Variants in VAV2 observed in about 807,000 individuals in gnomAD.
VAV2 encodes vav guanine nucleotide exchange factor 2.
A neutral mutation model predicts 132.5 loss-of-function variants in VAV2; 67 were observed. The ratio of observed to expected loss-of-function variants is 0.51; its 90% CI spans 0.42 to 0.62. VAV2 has a LOEUF of 0.62. Ranked by LOEUF, VAV2 falls within the 20% of genes least tolerant of loss-of-function variation. The probability of loss-of-function intolerance (pLI) is 0.00; values close to 1 mark genes in which losing one functional copy is unlikely to be tolerated. For missense variants in VAV2, 938 were observed against 1,153.6 expected, an observed-to-expected ratio of 0.81 and a Z score of 2.71; for synonymous variants, 492 against 443.5, an observed-to-expected ratio of 1.11 and a Z score of -1.37.
At chr9:133,936,602 G>A (rs1840919181) in intron 2 of VAV2, among the ~76,000 whole-genome samples, 1 of 152,216 alleles carries the variant, frequency 6.6e-6, no homozygotes, top group South Asian at 2.1e-4. Flanking sequence ...ACTGCCATCT[G>A]TGTGTGGAAG....
intron 9 of VAV2, among the ~76,000 whole-genome samples, chr9:133,800,037 CGTGACT>C (rs948356311): frequency 8.5e-5 from 13 of 152,202 alleles, no homozygotes; most frequent in African/African-American, 2.9e-4. Context: ...GCTCTGGGAC[CGTGACT>C]GTCGCCGTTC....
At chr9:133,972,714 G>A (rs1201691331) in intron 1 of VAV2, among the ~76,000 whole-genome samples, 6 of 152,278 alleles carry the variant, frequency 3.9e-5, no homozygotes, top group East Asian at 1.9e-4. Context: ...TCACTCCAGC[G>A]AGGGGAACCT....
intron 1 of VAV2, among the ~76,000 whole-genome samples, chr9:133,982,540 A>G (rs1019260018): frequency 4.6e-5 from 7 of 150,708 alleles, no homozygotes; most frequent in Admixed American, 3.3e-4. Context: ...ACAAGAGGGG[A>G]CCTAGGACAG....
chr9:133,953,958 C>T (rs1290561289), intron 1 of VAV2, among the ~76,000 whole-genome samples: 2 of 152,192 alleles, frequency 1.3e-5, no homozygotes, highest in Admixed American at 6.5e-5. Context: ...CAGGCAGCGC[C>T]TCCCACCACC....
chr9:133,778,651 C>T, intron 22 of VAV2, 111 bp downstream of exon 22: 1 of 1,461,604 alleles, frequency 6.8e-7, no homozygotes, highest in Non-Finnish European at 9.1e-7. Context: ...CTGGTGGTCT[C>T]TCACCTCTCT....
Position 133,852,055 on chromosome 9 carries a change from G to T in VAV2, c.380+9319C>A, listed in dbSNP as rs117374863. On this transcript the variant is annotated intron_variant, in intron 3 of 29. Transcript: ENST00000371850. The stretch of plus-strand genomic sequence containing the variant: ...GTATGGATGGATGGATGTATGGATG[G>T]ATGGATAAATGAGTGACAGACGGGC... Among the ~76,000 whole-genome samples the T allele has an allele frequency of 2.6e-3, 393 of 152,214 alleles. 6 individuals are homozygous for T. The East Asian group carries it at 0.032, about 13-fold the overall frequency.
chr9:133,976,383 C>T (rs1266830652), intron 1 of VAV2, among the ~76,000 whole-genome samples: 1 of 152,108 alleles, frequency 6.6e-6, no homozygotes, highest in Non-Finnish European at 1.5e-5. Flanking sequence ...GGGCAGTCCC[C>T]CCAGCCCCGC....
chr9:133,851,876 AATGGATGGATGCATGGATGGATGG>A, intron 3 of VAV2, among the ~76,000 whole-genome samples: 1 of 134,132 alleles, frequency 7.5e-6, no homozygotes, highest in South Asian at 2.4e-4. Context: ...TGGGTGAATA[AATGGATGGATGCATGGATGGATGG>A]ATGGATGGGT....
At chr9:133,903,183 G>C (rs1043097110) in intron 2 of VAV2, among the ~76,000 whole-genome samples, 23 of 149,220 alleles carry the variant, frequency 1.5e-4, no homozygotes, top group South Asian at 4.2e-4. Flanking sequence ...CCAGGAGAGT[G>C]CCCCGGGACA....
intron 4 of VAV2, among the ~76,000 whole-genome samples, chr9:133,818,059 C>T (rs12342463): frequency 5.3e-5 from 8 of 151,988 alleles, no homozygotes; most frequent in Admixed American, 2.0e-4. Flanking sequence ...TGAGGGCCCA[C>T]GTAGAACAAA....
intron 1 of VAV2, among the ~76,000 whole-genome samples, chr9:133,963,854 A>G (rs955214048): frequency 6.6e-6 from 1 of 151,894 alleles, no homozygotes; most frequent in African/African-American, 2.4e-5. Context: ...AATAAAGTAC[A>G]TGGAAAACCA....
At chr9:133,786,885 G>A (rs1011840251) in intron 16 of VAV2, among the ~76,000 whole-genome samples, 3 of 152,214 alleles carry the variant, frequency 2.0e-5, no homozygotes, top group African/African-American at 7.2e-5. Context: ...GGGATGGGAG[G>A]AGGAAAGAAA....
chr9:133,818,964 C>T (rs907214005), intron 4 of VAV2, among the ~76,000 whole-genome samples: 6 of 152,038 alleles, frequency 3.9e-5, no homozygotes, highest in Admixed American at 1.3e-4. Flanking sequence ...AGGCTGGTCT[C>T]GAACTCCTGG....
At chr9:133,900,029 T>A (rs2905165) in intron 2 of VAV2, among the ~76,000 whole-genome samples, 108,862 of 131,460 alleles carry the variant, frequency 0.83, 45,007 homozygotes, top group East Asian at 0.95. Context: ...TCAAAAAAAA[T>A]AAATAAATAA....
intron 3 of VAV2, among the ~76,000 whole-genome samples, chr9:133,850,670 T>C (rs1837131674): frequency 6.6e-6 from 1 of 152,120 alleles, no homozygotes; most frequent in South Asian, 2.1e-4. Flanking sequence ...GCCTCTGAAA[T>C]GTGAGCCAGC....
At chr9:133,810,304 C>G in intron 5 of VAV2, 99 bp from the exon 6 acceptor site, 1 of 1,573,660 alleles carries the variant, frequency 6.4e-7, no homozygotes, top group South Asian at 1.1e-5. Context: ...CACCCCACAA[C>G]CAGCCAACAG....
intron 4 of VAV2, among the ~76,000 whole-genome samples, chr9:133,819,447 T>TAA (rs1835700556): frequency 7.6e-6 from 1 of 132,380 alleles, no homozygotes; most frequent in African/African-American, 3.2e-5. Flanking sequence ...AGGCTCCGTC[T>TAA]CAAAAAAAAA....
intron 25 of VAV2, among the ~76,000 whole-genome samples, chr9:133,772,410 C>T (rs1588154789): frequency 1.3e-5 from 2 of 152,192 alleles, no homozygotes; most frequent in East Asian, 3.9e-4. Flanking sequence ...CCTGACATCT[C>T]CTGACATCCT....
In VAV2 at chr9:133,857,059, G is replaced by C. The variant is rs1410179178; in HGVS notation, c.380+4315C>G. On this transcript the variant is annotated intron_variant, in intron 3 of 29. Coordinates refer to ENST00000371850, the MANE Select transcript of VAV2 (RefSeq NM_001134398.2). The surrounding 1 kb of genome is among the most constrained non-coding windows in gnomAD (Gnocchi z 4.0). ...AGGTTCCAAGAGCATCCCTGCCCAA[G>C]GTCATTTGGCTGACAGAAGCTTCCT... is the stretch of plus-strand genomic sequence containing the variant. Among the ~76,000 whole-genome samples, 1 of 152,122 alleles carries C rather than the reference G, an allele frequency of 6.6e-6. No homozygotes were observed. Among genetic ancestry groups the C allele is most frequent in the Non-Finnish European group, 1.5e-5 (1 of 68,028 alleles).
Sources: allele counts gnomAD v4.1 joint callset (sites outside exome capture counted in the v4.1 genomes callset), GRCh38; gene constraint gnomAD v4.1.1; non-coding constraint Gnocchi (gnomAD v3.1); transcripts MANE v1.5; gene names NCBI Gene and HGNC (gene_info 2026-07-23, HGNC 2026-07-21).